Variants in ESR2 observed in about 807,000 individuals in gnomAD.
ESR2 encodes the protein estrogen receptor 2.
Under a neutral mutation model 49.6 loss-of-function variants are expected in ESR2, and 36 were observed. The observed-to-expected ratio is 0.73, with a 90% CI of 0.56 to 0.96. The LOEUF is 0.96. Among genes scored for constraint, ESR2 ranks in the 40% least tolerant of loss-of-function variants. The pLI, the probability that ESR2 is intolerant of heterozygous loss-of-function variation, is 0.00. For synonymous variants in ESR2, 320 were observed against 266.1 expected (o/e 1.20, Z -1.97); for missense variants, 714 against 693.0 (o/e 1.03, Z -0.34).
intron 7 of ESR2, among the ~76,000 whole-genome samples, chr14:64,246,853 T>A (rs914026747): frequency 4.0e-5 from 6 of 148,892 alleles, no homozygotes; most frequent in Non-Finnish European, 8.9e-5. Flanking sequence ...AAAAGGTGAA[T>A]GGTAACAATA....
Position 64,276,939 on chromosome 14 carries a change from A to C in ESR2, c.535+3042T>G, listed in dbSNP as rs2076568392. ...GGACAAAAATCCTTGCCCTCATGGA[A>C]TCTATAATCTATTGTCTTGTTCACC... On this transcript the variant is annotated intron_variant, in intron 3 of 8. Coordinates refer to ENST00000341099, the MANE Select transcript of ESR2 (RefSeq NM_001437.3). Among the ~76,000 whole-genome samples, 3 of 152,222 alleles carry C rather than the reference A, an allele frequency of 2.0e-5. No individual in the cohort carries two copies. In the South Asian group the frequency reaches 6.2e-4, roughly 32 times the overall value.
At chr14:64,243,762 G>A (rs1004123660) in intron 7 of ESR2, among the ~76,000 whole-genome samples, 29 of 152,182 alleles carry the variant, frequency 1.9e-4, no homozygotes, top group African/African-American at 6.5e-4. Context: ...CTGGCCCTGT[G>A]TGAACTCTAG....
intron 7 of ESR2, among the ~76,000 whole-genome samples, chr14:64,249,054 C>T (rs1035956389): frequency 5.9e-5 from 9 of 152,102 alleles, no homozygotes; most frequent in Non-Finnish European, 1.2e-4. Flanking sequence ...CCTATTTTCC[C>T]GTAGTATTTT....
intron 1 of ESR2, among the ~76,000 whole-genome samples, chr14:64,287,164 C>T (rs759205723): frequency 2.9e-4 from 44 of 152,120 alleles, no homozygotes; most frequent in Non-Finnish European, 5.0e-4. Flanking sequence ...CTCATTTCAT[C>T]TTGCAAAACT....
chr14:64,320,200 C>T (rs1156680665), intron 1 of ESR2, among the ~76,000 whole-genome samples: 2 of 151,988 alleles, frequency 1.3e-5, no homozygotes, highest in East Asian at 3.8e-4. Flanking sequence ...GTGAAAGAAG[C>T]CAATCTGAAA....
chr14:64,309,226 C>T (rs964416966), intron 1 of ESR2, among the ~76,000 whole-genome samples: 2 of 152,154 alleles, frequency 1.3e-5, no homozygotes, highest in African/African-American at 4.8e-5. Context: ...TACTCATTTA[C>T]TGCTTAAGAG....
chr14:64,282,656 T>C lies in ESR2; in HGVS notation c.330A>G (p.Ala110=). 6.2e-7 allele frequency: 1 copy of C among 1,609,262 alleles called. No homozygotes were observed. Among genetic ancestry groups the C allele is most frequent in the Non-Finnish European group, 8.5e-7 (1 of 1,175,786 alleles). Residue 110 remains alanine, a synonymous_variant, in exon 2 of 9, where the codon GCA becomes GCG. Coordinates refer to ENST00000341099, the MANE Select transcript of ESR2 (RefSeq NM_001437.3). ...CAGGTAAGGTGTGTTCTAGCGATCT[T>C]GCTTCACACCAGGGACTCTTTTGAG... ...AEPQKSPWCE[A]RSLEHTLPVN... is the part of the protein sequence containing the mutation.
intron 1 of ESR2, among the ~76,000 whole-genome samples, chr14:64,315,198 C>G (rs1001917342): frequency 2.8e-5 from 4 of 143,178 alleles, no homozygotes; most frequent in Admixed American, 7.2e-5. Context: ...AAGCCAAGAT[C>G]GCACCACTGC....
chr14:64,262,013 A>G (rs747646137), intron 4 of ESR2, among the ~76,000 whole-genome samples: 1 of 151,968 alleles, frequency 6.6e-6, no homozygotes, highest in Admixed American at 6.6e-5. Flanking sequence ...ATTAAAAATC[A>G]TTTTTAATGT....
intron 1 of ESR2, among the ~76,000 whole-genome samples, chr14:64,315,243 CAAAAAAAAAA>C (rs201805001): frequency 2.1e-5 from 1 of 46,800 alleles, no homozygotes; most frequent in Non-Finnish European, 4.4e-5. Context: ...GAGTCTGTCT[CAAAAAAAAAA>C]AAAAAAAAAA....
At chr14:64,309,530 G>A (rs1179499769) in intron 1 of ESR2, among the ~76,000 whole-genome samples, 2 of 150,426 alleles carry the variant, frequency 1.3e-5, no homozygotes, top group African/African-American at 4.9e-5. Flanking sequence ...AGAATTGCTC[G>A]AACCTGGGAG....
chr14:64,310,260 G>A (rs2077169419), intron 1 of ESR2, among the ~76,000 whole-genome samples: 1 of 146,624 alleles, frequency 6.8e-6, no homozygotes. Flanking sequence ...GCGACAAAGT[G>A]AGACAAAGTA....
downstream of ESR2, chr14:64,227,436 A>AAATT: frequency 5.7e-6 from 8 of 1,404,966 alleles, no homozygotes; most frequent in Non-Finnish European, 7.8e-6. Context: ...TCTTTCTTTA[A>AAATT]AATTATTTTT....
chr14:64,249,967 T>A (rs375870090), intron 6 of ESR2, among the ~76,000 whole-genome samples: 13 of 152,314 alleles, frequency 8.5e-5, no homozygotes, highest in South Asian at 6.2e-4. Context: ...CCTTCTACAT[T>A]TTCACCAAAT....
intron 2 of ESR2, among the ~76,000 whole-genome samples, chr14:64,281,768 C>T (rs2140815936): frequency 6.6e-6 from 1 of 152,296 alleles, no homozygotes; most frequent in South Asian, 2.1e-4. Context: ...TCCTTTTTAA[C>T]TTCAGGGAAT....
intron 1 of ESR2, among the ~76,000 whole-genome samples, chr14:64,285,704 T>A (rs913122276): frequency 6.6e-6 from 1 of 151,674 alleles, no homozygotes; most frequent in African/African-American, 2.4e-5. Context: ...GGTGCATGCC[T>A]GTAGTCCCAG....
upstream of ESR2, among the ~76,000 whole-genome samples, chr14:64,296,438 C>A (rs1016490814): frequency 1.3e-5 from 2 of 152,300 alleles, no homozygotes; most frequent in East Asian, 3.9e-4. Flanking sequence ...TTATTTTATA[C>A]GCAAGCCTAT....
At chr14:64,301,174 TC>T (rs2077016895) in intron 1 of ESR2, among the ~76,000 whole-genome samples, 1 of 152,188 alleles carries the variant, frequency 6.6e-6, no homozygotes, top group African/African-American at 2.4e-5. Context: ...ACTGCTGGTC[TC>T]CCTAAGACTT....
chr14:64,252,041 TAA>T (rs1360938011), intron 6 of ESR2, among the ~76,000 whole-genome samples: 1 of 152,078 alleles, frequency 6.6e-6, no homozygotes, highest in Non-Finnish European at 1.5e-5. Context: ...GCTGGCTGGG[TAA>T]AGTGGCCCAT....
Sources: gnomAD v4.1 joint callset for allele counts (sites outside exome capture counted in the v4.1 genomes callset) on GRCh38, gnomAD v4.1.1 for gene constraint, MANE v1.5 for transcripts, NCBI Gene and HGNC (gene_info 2026-07-23, HGNC 2026-07-21) for gene names.